The following MARCHF8 variants were observed in gnomAD, a reference collection of about 807,000 sequenced individuals.
MARCHF8 encodes the protein E3 ubiquitin-protein ligase MARCHF8.
MARCHF8 carries 40 observed loss-of-function variants against 51.6 expected under a neutral mutation model. The observed-to-expected ratio is 0.77, with a 90% CI of 0.60 to 1.01. The LOEUF is 1.01. Among genes scored for constraint, MARCHF8 ranks in the 50% least tolerant of loss-of-function variants. The pLI is 0.00. For missense variants in MARCHF8, 685 were observed against 708.6 expected (o/e 0.97, Z 0.38); for synonymous variants, 263 against 280.3 (o/e 0.94, Z 0.62).
rs987592090 is a variant in MARCHF8, at chr10:45,540,805, G to A, written c.-78-7516C>T. 1.2e-3 allele frequency among the ~76,000 whole-genome samples: 181 copies of A among 152,234 alleles called. 1 individual carries two copies. The highest frequency in any genetic ancestry group is 4.1e-3 in the African/African-American group (169 of 41,552). On this transcript the variant is annotated intron_variant, in intron 1 of 6. Transcript: ENST00000319836. The stretch of plus-strand genomic sequence containing the variant: ...AAAGAAGACATTTATGCAGCCAAAA[G>A]ACACATGAAAAAATGCTCATCATCA...
At chr10:45,486,571 A>T (rs2042983176) in intron 3 of MARCHF8, among the ~76,000 whole-genome samples, 1 of 152,138 alleles carries the variant, frequency 6.6e-6, no homozygotes, top group African/African-American at 2.4e-5. Context: ...CTAAAAAAAA[A>T]TGTATGCAAG....
intron 2 of MARCHF8, among the ~76,000 whole-genome samples, chr10:45,490,126 A>G (rs566482746): frequency 6.6e-6 from 1 of 152,340 alleles, no homozygotes; most frequent in East Asian, 1.9e-4. Context: ...ATTCTTGAAG[A>G]ATAACATCCC....
rs1427753083 is a variant in MARCHF8 at position 45,519,817 on chromosome 10, G to A, written c.102+13293C>T. On this transcript the variant is annotated intron_variant, in intron 2 of 7. Transcript: ENST00000453424. Reference sequence around the variant, plus strand: ...GCAGTAGCACCAGGGCAGAGAGGAAGGACAAAGAAAACATTTCAGAGGTGG... The same window carrying A: ...GCAGTAGCACCAGGGCAGAGAGGAAAGACAAAGAAAACATTTCAGAGGTGG... Among the ~76,000 whole-genome samples, 8 of 152,162 alleles carry A rather than the reference G, an allele frequency of 5.3e-5. No individual in the cohort carries two copies. In the East Asian group the frequency reaches 1.5e-3, roughly 29 times the overall value.
intron 1 of MARCHF8, among the ~76,000 whole-genome samples, chr10:45,563,136 A>G (rs2044329096): frequency 6.6e-6 from 1 of 151,824 alleles, no homozygotes; most frequent in African/African-American, 2.4e-5. Context: ...AAGTGATCCT[A>G]CTGCCTCAGC....
intron 1 of MARCHF8, among the ~76,000 whole-genome samples, chr10:45,546,114 T>G (rs1463079600): frequency 6.6e-6 from 1 of 151,916 alleles, no homozygotes; most frequent in Non-Finnish European, 1.5e-5. Flanking sequence ...CGAGTTCATT[T>G]TAAAATATAA....
At chr10:45,531,960 AAC>A (rs1399729777) in intron 2 of MARCHF8, among the ~76,000 whole-genome samples, 5 of 152,130 alleles carry the variant, frequency 3.3e-5, no homozygotes, top group Admixed American at 2.0e-4. Context: ...AGACCCTAGA[AAC>A]ACAACCACTA....
intron 3 of MARCHF8, among the ~76,000 whole-genome samples, chr10:45,483,403 CAT>C (rs2042924321): frequency 2.0e-5 from 3 of 152,148 alleles, no homozygotes; most frequent in African/African-American, 7.2e-5. Context: ...CATCCCTAAT[CAT>C]CAGGGAATAA....
At chr10:45,572,964 G>T (rs756266648) in intron 1 of MARCHF8, among the ~76,000 whole-genome samples, 2 of 151,744 alleles carry the variant, frequency 1.3e-5, no homozygotes, top group Non-Finnish European at 2.9e-5. Flanking sequence ...TTACAGTTTC[G>T]TTCTGCGACT....
At chr10:45,561,762 G>A (rs527974735) in intron 1 of MARCHF8, among the ~76,000 whole-genome samples, 6 of 150,774 alleles carry the variant, frequency 4.0e-5, no homozygotes, top group Middle Eastern at 3.4e-3. Context: ...TTAGCAGGGC[G>A]TGGTGGCAGG....
intron 1 of MARCHF8, among the ~76,000 whole-genome samples, chr10:45,586,229 C>T (rs944414247): frequency 9.9e-5 from 15 of 152,166 alleles, no homozygotes; most frequent in African/African-American, 3.6e-4. Flanking sequence ...TTCCCCACCC[C>T]TACCTATAAC....
intron 2 of MARCHF8, among the ~76,000 whole-genome samples, chr10:45,519,174 G>A (rs746239834): frequency 2.0e-5 from 3 of 152,222 alleles, no homozygotes; most frequent in Non-Finnish European, 2.9e-5. Context: ...CTTCATTCAA[G>A]CATGGGTATC....
At chr10:45,489,768 C>T (rs890180503) in intron 2 of MARCHF8, among the ~76,000 whole-genome samples, 5 of 152,146 alleles carry the variant, frequency 3.3e-5, no homozygotes, top group Admixed American at 2.6e-4. Flanking sequence ...TGTCTTAAGA[C>T]ACATTTCAAG....
At chr10:45,591,581 G>T (rs2044681680) in intron 1 of MARCHF8, among the ~76,000 whole-genome samples, 1 of 152,060 alleles carries the variant, frequency 6.6e-6, no homozygotes, top group Admixed American at 6.5e-5. Flanking sequence ...AATGCTATTG[G>T]TAATATTCTA....
intron 1 of MARCHF8, among the ~76,000 whole-genome samples, chr10:45,573,435 A>G (rs2044454160): frequency 6.6e-6 from 1 of 152,162 alleles, no homozygotes. Flanking sequence ...AAACACCTGA[A>G]CTGCAGCTGC....
chr10:45,541,245 A>G (rs1424612430), intron 1 of MARCHF8, among the ~76,000 whole-genome samples: 1 of 152,248 alleles, frequency 6.6e-6, no homozygotes. Context: ...CAGCCATAAA[A>G]AAGGATGAAT....
chr10:45,487,880 T>TAGACTTTGTCA (rs2043011054), intron 3 of MARCHF8, among the ~76,000 whole-genome samples: 1 of 152,050 alleles, frequency 6.6e-6, no homozygotes, highest in Admixed American at 6.6e-5. Flanking sequence ...AGACAGCAGA[T>TAGACTTTGTCA]AGACTTTGTC....
chr10:45,512,976 G>A (rs2043556706), intron 2 of MARCHF8, among the ~76,000 whole-genome samples: 1 of 151,476 alleles, frequency 6.6e-6, no homozygotes, highest in Admixed American at 6.6e-5. Context: ...AGGGTTAAAT[G>A]GATTAAGGGC....
At chr10:45,488,472 T>A (rs909376413) in intron 3 of MARCHF8, among the ~76,000 whole-genome samples, 2 of 151,578 alleles carry the variant, frequency 1.3e-5, no homozygotes, top group Admixed American at 6.6e-5. Context: ...GCAACATCTG[T>A]TACAGGGAGC....
At chr10:45,478,735 T>C (rs1256822668) in intron 3 of MARCHF8, among the ~76,000 whole-genome samples, 1 of 152,082 alleles carries the variant, frequency 6.6e-6, no homozygotes. Context: ...TCAGAGACTA[T>C]TACGAACTAC....
Sources: gnomAD v4.1 joint callset for allele counts (sites outside exome capture counted in the v4.1 genomes callset) on GRCh38, gnomAD v4.1.1 for gene constraint, MANE v1.5 for transcripts, NCBI Gene and HGNC (gene_info 2026-07-23, HGNC 2026-07-21) for gene names.